STARD13: variants seen among roughly 807,000 people sequenced by gnomAD.
The protein encoded by STARD13 is StAR related lipid transfer domain containing 13, also known as stAR-related lipid transfer protein 13.
In STARD13, 62 loss-of-function variants were observed where a neutral mutation model predicts 106.4. The observed-to-expected ratio is 0.58, with a 90% CI of 0.48 to 0.72. STARD13 has a LOEUF of 0.72. Among genes scored for constraint, STARD13 ranks in the 30% least tolerant of loss-of-function variants. The pLI is 0.00. For synonymous variants in STARD13, 565 were observed against 553.0 expected, an observed-to-expected ratio of 1.02 and a Z score of -0.31; for missense variants, 1,387 against 1,424.0, an observed-to-expected ratio of 0.97 and a Z score of 0.42.
the STARD13 span, among the ~76,000 whole-genome samples, chr13:33,414,225 A>G: frequency 6.6e-6 from 1 of 152,198 alleles, no homozygotes; most frequent in Non-Finnish European, 1.5e-5. Flanking sequence ...TGACATTGCT[A>G]GTAGGAATGT....
At chr13:33,135,340 G>C (rs1878915300) in intron 4 of STARD13, among the ~76,000 whole-genome samples, 1 of 152,206 alleles carries the variant, frequency 6.6e-6, no homozygotes, top group South Asian at 2.1e-4. Flanking sequence ...ACAATCAGTG[G>C]ATTTGTCTTA....
the STARD13 span, among the ~76,000 whole-genome samples, chr13:33,582,411 C>A: frequency 6.6e-6 from 1 of 151,968 alleles, no homozygotes; most frequent in Non-Finnish European, 1.5e-5. Flanking sequence ...AATTTGAAAT[C>A]ATAACATCCT....
chr13:33,162,972 C>T (rs1007754235), intron 3 of STARD13, among the ~76,000 whole-genome samples: 1 of 152,134 alleles, frequency 6.6e-6, no homozygotes. Context: ...TAAAGACATA[C>T]CCAAGACTGG....
chr13:33,251,253 G>A (rs895972815), intron 1 of STARD13, among the ~76,000 whole-genome samples: 4 of 152,206 alleles, frequency 2.6e-5, no homozygotes, highest in Middle Eastern at 3.4e-3. Flanking sequence ...TTGACAGGCC[G>A]CCTGGGATTC....
intron 1 of STARD13, among the ~76,000 whole-genome samples, chr13:33,298,071 G>A (rs937538642): frequency 1.3e-5 from 2 of 149,358 alleles, no homozygotes; most frequent in Non-Finnish European, 3.0e-5. Flanking sequence ...GGAGCACCCT[G>A]ACAGTTTTAC....
At chr13:33,350,746 T>A, upstream of STARD13, 1 of 792,134 alleles carries the variant, frequency 1.3e-6, no homozygotes, top group Non-Finnish European at 1.5e-6. Context: ...CCTGGCTGCC[T>A]CGCGCCCCAC....
the STARD13 span, among the ~76,000 whole-genome samples, chr13:33,477,355 C>A: frequency 6.6e-6 from 1 of 152,156 alleles, no homozygotes; most frequent in Non-Finnish European, 1.5e-5. Context: ...GTCCCTTTAC[C>A]ACAGGGGTCC....
chr13:33,518,454 A>G, the STARD13 span, among the ~76,000 whole-genome samples: 1 of 152,114 alleles, frequency 6.6e-6, no homozygotes, highest in Non-Finnish European at 1.5e-5. Flanking sequence ...GTGCAGCTCA[A>G]AAAGCTATGC....
At chr13:33,591,164 A>C in the STARD13 span, among the ~76,000 whole-genome samples, 1 of 152,250 alleles carries the variant, frequency 6.6e-6, no homozygotes, top group African/African-American at 2.4e-5. Flanking sequence ...GCAGATGCTC[A>C]GTCAAAATCC....
chr13:33,196,066 T>C (rs572169605), intron 1 of STARD13, among the ~76,000 whole-genome samples: 9 of 152,368 alleles, frequency 5.9e-5, no homozygotes, highest in African/African-American at 2.2e-4. Flanking sequence ...GTTTAAAATT[T>C]CGTATTAAAA....
chr13:33,120,474 G>C (rs1876110274), intron 7 of STARD13, among the ~76,000 whole-genome samples: 1 of 152,212 alleles, frequency 6.6e-6, no homozygotes, highest in Non-Finnish European at 1.5e-5. Context: ...AGGATGTCCA[G>C]AGGGTAGTCA....
At chr13:33,619,002 T>C in the STARD13 span, among the ~76,000 whole-genome samples, 1 of 152,016 alleles carries the variant, frequency 6.6e-6, no homozygotes, top group Non-Finnish European at 1.5e-5. Flanking sequence ...CCATGAGTCC[T>C]AAAAGAAAGT....
Position 33,190,568 on chromosome 13 carries a change from G to GTTTTC in STARD13, c.170-22951_170-22947dup, listed in dbSNP as rs1232537667. Reference sequence around the variant, plus strand: ...ACTGTTGGAATACTGCACCCATTTCGTTTTCTTTTCTTTTCTTTTCTTTTT... The same window carrying GTTTTC: ...ACTGTTGGAATACTGCACCCATTTCGTTTTCTTTTCTTTTCTTTTCTTTTCTTTTT... On this transcript the variant is annotated intron_variant, in intron 1 of 13. Transcript: ENST00000336934. 3.6e-4 allele frequency among the ~76,000 whole-genome samples: 54 copies of GTTTTC among 149,412 alleles called. 2 individuals carry two copies. Among genetic ancestry groups the GTTTTC allele is most frequent in the East Asian group, 2.0e-3 (10 of 5,120 alleles).
the STARD13 span, among the ~76,000 whole-genome samples, chr13:33,486,027 T>G: frequency 6.6e-6 from 1 of 152,214 alleles, no homozygotes; most frequent in Non-Finnish European, 1.5e-5. Context: ...CTTGACTGAC[T>G]GCTTATAAAT....
chr13:33,663,003 T>A, the STARD13 span, among the ~76,000 whole-genome samples: 18 of 152,332 alleles, frequency 1.2e-4, no homozygotes, highest in African/African-American at 4.1e-4. Flanking sequence ...GGTGAGGTAT[T>A]TATTCCTATT....
the STARD13 span, among the ~76,000 whole-genome samples, chr13:33,473,431 T>C: frequency 6.6e-6 from 1 of 152,252 alleles, no homozygotes; most frequent in Non-Finnish European, 1.5e-5. Flanking sequence ...ATTTGGTATA[T>C]GTCTGGTTGC....
At chr13:33,335,391 CT>C (rs1254868536) in intron 1 of STARD13, 1 of 152,206 alleles carries the variant, frequency 6.6e-6, no homozygotes, top group African/African-American at 2.4e-5. Flanking sequence ...TGGGGCAGGA[CT>C]CCGAAAATGG....
chr13:33,374,897 AC>A, the STARD13 span, among the ~76,000 whole-genome samples: 1 of 152,208 alleles, frequency 6.6e-6, no homozygotes, highest in Non-Finnish European at 1.5e-5. Context: ...ATTCTAATAT[AC>A]AATCCAAAAT....
intron 1 of STARD13, among the ~76,000 whole-genome samples, chr13:33,304,663 C>T (rs1018582180): frequency 6.6e-6 from 1 of 152,088 alleles, no homozygotes. Context: ...AAGATCTACC[C>T]TAAATAATAT....
Sources: gnomAD v4.1 joint callset for allele counts (sites outside exome capture counted in the v4.1 genomes callset) on GRCh38, gnomAD v4.1.1 for gene constraint, MANE v1.5 for transcripts, NCBI Gene and HGNC (gene_info 2026-07-23, HGNC 2026-07-21) for gene names.